Variants in FAF1 observed in about 807,000 individuals in gnomAD.
The protein encoded by FAF1 is FAS-associated factor 1.
Under a neutral mutation model 92.5 loss-of-function variants are expected in FAF1, and 25 were observed. That is an observed-to-expected ratio of 0.27 (90% CI 0.20 to 0.38). The LOEUF is 0.38. Among genes scored for constraint, FAF1 ranks in the 10% least tolerant of loss-of-function variants. The probability of loss-of-function intolerance (pLI) is 1.00; values close to 1 mark genes in which losing one functional copy is unlikely to be tolerated. For synonymous variants in FAF1, 234 were observed against 273.2 expected (o/e 0.86, Z 1.42); for missense variants, 636 against 793.3 (o/e 0.80, Z 2.38).
chr1:50,868,802 G>C (rs1377041505), intron 1 of FAF1, among the ~76,000 whole-genome samples: 1 of 152,116 alleles, frequency 6.6e-6, no homozygotes, highest in African/African-American at 2.4e-5. Flanking sequence ...GGAAATTTAT[G>C]AAGACTTAAT....
intron 17 of FAF1, among the ~76,000 whole-genome samples, chr1:50,477,135 A>G (rs1031231682): frequency 6.6e-6 from 1 of 152,250 alleles, no homozygotes; most frequent in Non-Finnish European, 1.5e-5. Flanking sequence ...GGTTGGTTCT[A>G]ATACTGAACT....
intron 2 of FAF1, among the ~76,000 whole-genome samples, chr1:50,854,758 T>C (rs545737637): frequency 6.6e-6 from 1 of 151,948 alleles, no homozygotes; most frequent in African/African-American, 2.4e-5. Context: ...CTGTTATCAG[T>C]GTGTTTAGAT....
chr1:50,860,989 C>T (rs944005024), intron 1 of FAF1, among the ~76,000 whole-genome samples: 9 of 151,834 alleles, frequency 5.9e-5, no homozygotes, highest in African/African-American at 1.9e-4. Context: ...AAAGAAAAAA[C>T]AATACACCAC....
chr1:50,855,007 G>A (rs548354958), intron 2 of FAF1, among the ~76,000 whole-genome samples: 2 of 151,686 alleles, frequency 1.3e-5, no homozygotes, highest in Admixed American at 1.3e-4. Context: ...TTTGGATGAT[G>A]TTTGAAAGGA....
At position 50,738,368 on chromosome 1, in the gene FAF1, G is replaced by A. The variant is rs565510952; in HGVS notation, c.551+495C>T. Among the ~76,000 whole-genome samples the A allele has an allele frequency of 4.0e-5, 6 of 151,720 alleles. No individual in the cohort carries two copies. The South Asian group carries it at 6.3e-4, about 16-fold the overall frequency. On this transcript the variant is annotated intron_variant, in intron 6 of 18. Coordinates refer to ENST00000396153, the MANE Select transcript of FAF1 (RefSeq NM_007051.3). ...TGAGGGAGGGGAATCACTTGAATCC[G>A]GGAGGCAGAGGTTGCGGTGAGCCAA...
At chr1:50,781,546 A>G (rs1661180199) in intron 4 of FAF1, among the ~76,000 whole-genome samples, 1 of 152,196 alleles carries the variant, frequency 6.6e-6, no homozygotes, top group Non-Finnish European at 1.5e-5. Flanking sequence ...AGACACCAAC[A>G]TACTTATAGT....
At chr1:50,654,776 G>A (rs1655027925) in intron 8 of FAF1, among the ~76,000 whole-genome samples, 1 of 152,078 alleles carries the variant, frequency 6.6e-6, no homozygotes, top group Non-Finnish European at 1.5e-5. Context: ...CATTTCATTA[G>A]TAGTATCTGA....
At chr1:50,546,279 G>C (rs1248643151) in intron 13 of FAF1, among the ~76,000 whole-genome samples, 1 of 152,194 alleles carries the variant, frequency 6.6e-6, no homozygotes, top group African/African-American at 2.4e-5. Context: ...TCTTTATGAA[G>C]TAATGTTAGT....
intron 8 of FAF1, among the ~76,000 whole-genome samples, chr1:50,638,163 T>C (rs1482572012): frequency 6.6e-6 from 1 of 152,200 alleles, no homozygotes; most frequent in African/African-American, 2.4e-5. Context: ...TCATGGCCCA[T>C]GACCTTGCTA....
intron 5 of FAF1, among the ~76,000 whole-genome samples, chr1:50,740,201 G>T (rs1049779726): frequency 6.6e-6 from 1 of 151,912 alleles, no homozygotes; most frequent in African/African-American, 2.4e-5. Flanking sequence ...ACAATTTTTT[G>T]ACTAAAAATA....
chr1:50,766,042 A>C (rs12742410), intron 4 of FAF1, among the ~76,000 whole-genome samples: 9,467 of 152,214 alleles, frequency 0.062, 416 homozygotes, highest in Non-Finnish European at 0.097. Context: ...CAGTGAGCCG[A>C]GATCGCGCCA....
At chr1:50,739,615 T>C (rs1193306798) in intron 5 of FAF1, among the ~76,000 whole-genome samples, 1 of 152,162 alleles carries the variant, frequency 6.6e-6, no homozygotes, top group African/African-American at 2.4e-5. Flanking sequence ...TTCAGGGTCA[T>C]CATGGCAAAA....
intron 1 of FAF1, among the ~76,000 whole-genome samples, chr1:50,865,694 G>C (rs1266316336): frequency 9.9e-6 from 1 of 100,862 alleles, no homozygotes; most frequent in African/African-American, 3.8e-5. Context: ...GTTGTGGGGT[G>C]GGGGGAGGGG....
At chr1:50,885,295 T>TTCTC (rs147647466) in intron 1 of FAF1, among the ~76,000 whole-genome samples, 1,663 of 136,876 alleles carry the variant, frequency 0.012, 47 homozygotes, top group African/African-American at 0.047. Context: ...CCGTGTCTCT[T>TTCTC]TCTCTCTCTC....
intron 2 of FAF1, among the ~76,000 whole-genome samples, chr1:50,811,492 A>G (rs1643910912): frequency 6.6e-6 from 1 of 152,228 alleles, no homozygotes; most frequent in African/African-American, 2.4e-5. Context: ...CTAGGAATAC[A>G]GCTAACTAGG....
chr1:50,607,065 G>A (rs1450112468), intron 8 of FAF1: 1 of 152,062 alleles, frequency 6.6e-6, no homozygotes, highest in Non-Finnish European at 1.5e-5. Context: ...TGACTTTGAG[G>A]GACCAGTTAA....
chr1:50,849,534 T>C (rs185726265), intron 2 of FAF1, among the ~76,000 whole-genome samples: 5 of 152,222 alleles, frequency 3.3e-5, no homozygotes, highest in East Asian at 1.9e-4. Flanking sequence ...AATTCAAGCA[T>C]AGAATTTGTG....
At chr1:50,832,967 A>G (rs1644167706) in intron 2 of FAF1, among the ~76,000 whole-genome samples, 1 of 152,086 alleles carries the variant, frequency 6.6e-6, no homozygotes, top group South Asian at 2.1e-4. Flanking sequence ...TTTTGCAGCG[A>G]AGACAGGATC....
intron 6 of FAF1, among the ~76,000 whole-genome samples, chr1:50,722,222 T>G (rs565225207): frequency 9.2e-5 from 14 of 152,344 alleles, no homozygotes; most frequent in African/African-American, 3.4e-4. Context: ...GTTTCTAGTT[T>G]ACTTCATAAA....
Sources: gnomAD v4.1 joint callset for allele counts (sites outside exome capture counted in the v4.1 genomes callset) on GRCh38, gnomAD v4.1.1 for gene constraint, MANE v1.5 for transcripts, NCBI Gene and HGNC (gene_info 2026-07-23, HGNC 2026-07-21) for gene names.